ROR1: variants seen among roughly 807,000 people sequenced by gnomAD.
ROR1 encodes the protein ROR family WNT receptor 1, also known as inactive tyrosine-protein kinase transmembrane receptor ROR1.
Under a neutral mutation model 78.8 loss-of-function variants are expected in ROR1, and 19 were observed. The ratio of observed to expected loss-of-function variants is 0.24; its 90% CI spans 0.17 to 0.35. The LOEUF is 0.35. Ranked by LOEUF, ROR1 falls within the 10% of genes least tolerant of loss-of-function variation. The pLI, the probability that ROR1 is intolerant of heterozygous loss-of-function variation, is 1.00. For missense variants in ROR1, 917 were observed against 1,177.8 expected, an observed-to-expected ratio of 0.78 and a Z score of 3.24; for synonymous variants, 386 against 433.6, an observed-to-expected ratio of 0.89 and a Z score of 1.36.
At position 64,178,532 on chromosome 1, in the gene ROR1, T is replaced by G. The variant is rs1650456708; in HGVS notation, c.2491T>G (p.Phe831Val). The change falls in exon 9 of 9, where the codon TTT becomes GTT. Residue 831 changes from phenylalanine (F) to valine (V), a missense_variant. Around this residue, in one of 3 missense-constraint regions of ROR1, gnomAD observed 835 missense variants for 1,069.8 expected, o/e 0.78. Coordinates refer to ENST00000371079, the MANE Select transcript of ROR1 (RefSeq NM_005012.4). This position sits in a 1 kb window ranked among gnomAD's most constrained non-coding sequence, Gnocchi z 4.3. The stretch of plus-strand genomic sequence containing the variant: ...CCCAATACCTCCTGGATATGCAGCG[T>G]TTCCAGCTGCCCACTACCAGCCAAC... ...GYPIPPGYAA[F>V]PAAHYQPTGP... 6.2e-7 allele frequency: 1 copy of G among 1,614,070 alleles called. No individual in the cohort carries two copies. The highest frequency in any genetic ancestry group is 1.3e-5 in the African/African-American group (1 of 74,922).
chr1:63,940,533 A>ATAGATAGT (rs1557573361), intron 1 of ROR1, among the ~76,000 whole-genome samples: 23 of 150,904 alleles, frequency 1.5e-4, no homozygotes, highest in African/African-American at 5.6e-4. Context: ...AGATAGATAG[A>ATAGATAGT]TAGATAGATA....
chr1:64,034,324 C>T (rs895990633), intron 2 of ROR1, among the ~76,000 whole-genome samples: 1 of 151,978 alleles, frequency 6.6e-6, no homozygotes, highest in African/African-American at 2.4e-5. Flanking sequence ...ATTTTTTTAG[C>T]CACAGTACAT....
At chr1:63,812,072 T>C (rs1644863340) in intron 1 of ROR1, among the ~76,000 whole-genome samples, 1 of 150,262 alleles carries the variant, frequency 6.7e-6, no homozygotes, top group African/African-American at 2.5e-5. Context: ...GCAATTCTCC[T>C]GCCTCAGCCT....
chr1:63,891,421 T>A (rs1040557641), intron 1 of ROR1, among the ~76,000 whole-genome samples: 4 of 152,136 alleles, frequency 2.6e-5, no homozygotes, highest in African/African-American at 9.7e-5. Context: ...TGAAGGTGTG[T>A]TGCCTGGAAA....
At chr1:64,061,271 CT>C (rs1646915382) in intron 4 of ROR1, among the ~76,000 whole-genome samples, 1 of 152,176 alleles carries the variant, frequency 6.6e-6, no homozygotes, top group South Asian at 2.1e-4. Flanking sequence ...TTTTGATTAG[CT>C]GTTTTTAAGT....
rs1045215335 is a variant in ROR1, at chr1:64,138,147, C to T, written c.610+651C>T. Among the ~76,000 whole-genome samples the T allele has an allele frequency of 7.2e-5, 11 of 152,182 alleles. No homozygotes were observed. In the East Asian group the frequency reaches 7.7e-4, roughly 11 times the overall value. On this transcript the variant is annotated intron_variant, in intron 5 of 8. Transcript: ENST00000371079. ...ATAGGCTGCCTCATAGGATTTTGCA[C>T]GCATCGTTCTGGTGGTTACAGCAGC...
At chr1:64,005,451 T>C (rs1646420000) in intron 1 of ROR1, among the ~76,000 whole-genome samples, 1 of 152,224 alleles carries the variant, frequency 6.6e-6, no homozygotes, top group African/African-American at 2.4e-5. Flanking sequence ...CACATACACA[T>C]TTGCTATTAC....
intron 1 of ROR1, among the ~76,000 whole-genome samples, chr1:63,944,943 A>G (rs1645872235): frequency 6.6e-6 from 1 of 152,216 alleles, no homozygotes; most frequent in Admixed American, 6.5e-5. Context: ...CTTGCATATT[A>G]AAATTACCTG....
At chr1:63,816,604 A>T (rs1050478363) in intron 1 of ROR1, among the ~76,000 whole-genome samples, 2 of 152,100 alleles carry the variant, frequency 1.3e-5, no homozygotes, top group African/African-American at 4.8e-5. Context: ...ATGGACTAAT[A>T]GAGTGATTTA....
intron 2 of ROR1, 141 bp downstream of exon 2, chr1:64,009,517 G>T: frequency 1.5e-6 from 1 of 646,102 alleles, no homozygotes; most frequent in East Asian, 2.7e-5. Context: ...AGCTTACTTT[G>T]TGATCATTTA....
chr1:63,786,035 C>T (rs946739582), intron 1 of ROR1, among the ~76,000 whole-genome samples: 82 of 151,912 alleles, frequency 5.4e-4, no homozygotes, highest in African/African-American at 1.6e-3. Flanking sequence ...GTCCTTTTTC[C>T]CCACTGAGGA....
intron 4 of ROR1, among the ~76,000 whole-genome samples, chr1:64,120,612 T>C (rs765838493): frequency 2.0e-5 from 3 of 152,144 alleles, no homozygotes; most frequent in Non-Finnish European, 4.4e-5. Context: ...AGCAGGCACG[T>C]GTGGCTAGTT....
chr1:64,026,884 G>A (rs1646615725), intron 2 of ROR1, among the ~76,000 whole-genome samples: 1 of 152,130 alleles, frequency 6.6e-6, no homozygotes, highest in Non-Finnish European at 1.5e-5. Context: ...AATTCCAGAT[G>A]ACATTTGGGT....
At chr1:63,973,606 G>A (rs1646135480) in intron 1 of ROR1, among the ~76,000 whole-genome samples, 1 of 152,100 alleles carries the variant, frequency 6.6e-6, no homozygotes, top group Non-Finnish European at 1.5e-5. Flanking sequence ...ACTAGTCATA[G>A]AGTCCCCAAT....
intron 1 of ROR1, among the ~76,000 whole-genome samples, chr1:63,894,443 AAAAACCCTTCCC>A (rs1278583104): frequency 1.0e-4 from 11 of 105,694 alleles, no homozygotes; most frequent in African/African-American, 4.2e-4. Context: ...TGATCTCTGC[AAAAACCCTTCCC>A]ATTCATTAAT....
intron 1 of ROR1, among the ~76,000 whole-genome samples, chr1:63,902,810 C>A (rs571916237): frequency 1.3e-5 from 2 of 152,290 alleles, no homozygotes; most frequent in African/African-American, 4.8e-5. Flanking sequence ...TCCATGGAAA[C>A]TGACATTTCC....
chr1:63,979,910 C>T (rs1646195489), intron 1 of ROR1, among the ~76,000 whole-genome samples: 1 of 152,032 alleles, frequency 6.6e-6, no homozygotes, highest in African/African-American at 2.4e-5. Flanking sequence ...ATGCACAAAA[C>T]AACAATGCAC....
In ROR1 at chr1:64,108,395, T is replaced by TAAAAAA. The variant is rs556497678; in HGVS notation, c.483-28941_483-28936dup. 12 of 48,290 alleles carry TAAAAAA rather than the reference T, an allele frequency of 2.5e-4. 1 individual carries two copies. Among genetic ancestry groups the TAAAAAA allele is most frequent in the African/African-American group, 6.4e-4 (8 of 12,572 alleles). 3.0% of individuals were successfully genotyped at this position (48,290 alleles called of 1,614,324 possible). Reference sequence around the variant, plus strand: ...ATGGGCGACAGAGTGAGACTCCATCTAAAAAAAAAAAAAAAAAAAAAAAAA... The same window carrying TAAAAAA: ...ATGGGCGACAGAGTGAGACTCCATCTAAAAAAAAAAAAAAAAAAAAAAAAAAAAAAA... On this transcript the variant is annotated intron_variant, in intron 4 of 8. Transcript: ENST00000371079.
At chr1:63,928,390 A>G (rs1393028010) in intron 1 of ROR1, among the ~76,000 whole-genome samples, 2 of 152,200 alleles carry the variant, frequency 1.3e-5, no homozygotes, top group African/African-American at 2.4e-5. Context: ...TGGGGTTGGC[A>G]CCAGTCACAG....
Sources: gnomAD v4.1 joint callset for allele counts (sites outside exome capture counted in the v4.1 genomes callset) on GRCh38, gnomAD v4.1.1 for gene constraint, gnomAD v4.1.1 regional missense constraint, Gnocchi (gnomAD v3.1) non-coding constraint, MANE v1.5 for transcripts, NCBI Gene and HGNC (gene_info 2026-07-23, HGNC 2026-07-21) for gene names.